The following TENM4 variants were observed in gnomAD, a reference collection of about 807,000 sequenced individuals.
The protein encoded by TENM4 is teneurin-4.
Under a neutral mutation model 243.3 loss-of-function variants are expected in TENM4, and 82 were observed. The ratio of observed to expected loss-of-function variants is 0.34; its 90% CI spans 0.28 to 0.40. The LOEUF (loss-of-function observed/expected upper bound fraction) is 0.40, where lower values mean the gene tolerates loss of function less well. Ranked by LOEUF, TENM4 falls within the 10% of genes least tolerant of loss-of-function variation. The probability of loss-of-function intolerance (pLI) is 1.00; values close to 1 mark genes in which losing one functional copy is unlikely to be tolerated. For missense variants in TENM4, 3,138 were observed against 3,673.3 expected, an observed-to-expected ratio of 0.85 and a Z score of 3.77; for synonymous variants, 1,412 against 1,456.3, an observed-to-expected ratio of 0.97 and a Z score of 0.69.
rs1314577192 is a variant in TENM4, at chr11:78,805,395, G to C, written c.2076C>G (p.Pro692=). The change falls in exon 15 of 34, where the codon CCC becomes CCG. Residue 692 remains proline, a synonymous_variant. Transcript: ENST00000278550. ...VGWGGTNCET[P]RATCLDQCSG... ...AACACTGGTCTAAGCATGTGGCCCT[G>C]GGGGTCTCGCAGTTGGTGCCTCCCC... The C allele has an allele frequency of 6.3e-7, 1 of 1,599,670 alleles. No individual in the cohort carries two copies. The highest frequency in any genetic ancestry group is 8.5e-7 in the Non-Finnish European group (1 of 1,174,480).
intron 3 of TENM4, among the ~76,000 whole-genome samples, chr11:79,163,986 A>G (rs1027895450): frequency 8.1e-6 from 1 of 123,758 alleles, no homozygotes; most frequent in African/African-American, 3.0e-5. Flanking sequence ...GTGTATATAT[A>G]GTGTATATAT....
intron 6 of TENM4, among the ~76,000 whole-genome samples, chr11:79,047,268 A>G (rs1859680407): frequency 6.6e-6 from 1 of 152,186 alleles, no homozygotes. Context: ...TCTGACAGGG[A>G]TGACGAGGTC....
intron 6 of TENM4, among the ~76,000 whole-genome samples, chr11:78,979,230 G>A (rs1857735545): frequency 6.6e-6 from 1 of 152,130 alleles, no homozygotes. Context: ...AATCCTGCCT[G>A]CTTAGTTCTC....
intron 6 of TENM4, among the ~76,000 whole-genome samples, chr11:79,041,173 C>T (rs1282989726): frequency 6.6e-6 from 1 of 151,870 alleles, no homozygotes; most frequent in Non-Finnish European, 1.5e-5. Context: ...AAGTGATTCT[C>T]CTGCCTTAGC....
chr11:78,726,298 C>A (rs1855509250), intron 22 of TENM4, 76 bp from the exon 23 acceptor site: 3 of 1,493,124 alleles, frequency 2.0e-6, no homozygotes, highest in East Asian at 2.4e-5. Context: ...GTAGGCAAGG[C>A]CCCTGGCTTA....
intron 4 of TENM4, among the ~76,000 whole-genome samples, chr11:79,117,339 C>T (rs1861644323): frequency 1.3e-5 from 2 of 152,162 alleles, no homozygotes; most frequent in South Asian, 4.1e-4. Flanking sequence ...GGTTGGCCTA[C>T]ATAGGCAGGA....
intron 25 of TENM4, among the ~76,000 whole-genome samples, chr11:78,719,954 G>A (rs1048747865): frequency 6.6e-6 from 1 of 152,194 alleles, no homozygotes; most frequent in African/African-American, 2.4e-5. Flanking sequence ...CCACAGAAGT[G>A]TAAATGTGAA....
intron 4 of TENM4, among the ~76,000 whole-genome samples, chr11:79,113,930 A>C (rs1156349308): frequency 6.6e-6 from 1 of 152,150 alleles, no homozygotes; most frequent in Non-Finnish European, 1.5e-5. Context: ...CCAGACCTTG[A>C]GACTCTTTCC....
At chr11:79,186,108 C>G (rs1300886406) in intron 3 of TENM4, among the ~76,000 whole-genome samples, 2 of 152,220 alleles carry the variant, frequency 1.3e-5, no homozygotes, top group African/African-American at 4.8e-5. Context: ...AAATCCAGAT[C>G]TCTCTAACTC....
chr11:78,745,752 G>A (rs531832820), intron 19 of TENM4, among the ~76,000 whole-genome samples: 3 of 152,204 alleles, frequency 2.0e-5, no homozygotes, highest in East Asian at 3.9e-4. Context: ...GCCCACCTTC[G>A]GTATCTACCT....
In TENM4 at chr11:79,015,477, AGTGT is replaced by A. The variant is rs113872101; in HGVS notation, c.493+49257_493+49260del. Among the ~76,000 whole-genome samples, 1,133 of 147,242 alleles carry A rather than the reference AGTGT, an allele frequency of 7.7e-3. 11 individuals carry two copies. Among genetic ancestry groups the A allele is most frequent in the African/African-American group, 0.02 (798 of 40,028 alleles). On this transcript the variant is annotated intron_variant, in intron 6 of 33. Transcript: ENST00000278550. ...GATTTCATGAGAAAAAAAGTCATTT[AGTGT>A]GTGTGTGTGTGTGTGTGTGTGTGTG...
intron 1 of TENM4, among the ~76,000 whole-genome samples, chr11:79,435,896 A>T (rs961885897): frequency 6.6e-5 from 10 of 152,206 alleles, no homozygotes. Context: ...CTGCATGAGG[A>T]TGCAACTCTG....
chr11:79,166,797 T>G (rs577674323), intron 3 of TENM4, among the ~76,000 whole-genome samples: 1 of 152,304 alleles, frequency 6.6e-6, no homozygotes, highest in African/African-American at 2.4e-5. Context: ...TTTTGAAGCA[T>G]AGGCATTTGC....
chr11:79,329,392 A>G (rs942108255), intron 1 of TENM4, among the ~76,000 whole-genome samples: 1 of 152,162 alleles, frequency 6.6e-6, no homozygotes, highest in African/African-American at 2.4e-5. Context: ...TTTGCTAGGC[A>G]CCTCCAACAT....
At chr11:78,722,337 C>T (rs1209662177) in intron 24 of TENM4, among the ~76,000 whole-genome samples, 1 of 152,174 alleles carries the variant, frequency 6.6e-6, no homozygotes. Context: ...AAAAAAGGTT[C>T]ATGTGACTCA....
intron 1 of TENM4, among the ~76,000 whole-genome samples, chr11:79,384,937 T>TTAAAAAAAAATAAAATAAAA: frequency 8.7e-6 from 1 of 114,376 alleles, no homozygotes; most frequent in African/African-American, 3.4e-5. Flanking sequence ...AAAAATAAAA[T>TTAAAAAAAAATAAAATAAAA]TAAAATAAAA....
At chr11:78,953,661 T>C (rs1271026816) in intron 6 of TENM4, among the ~76,000 whole-genome samples, 1 of 152,178 alleles carries the variant, frequency 6.6e-6, no homozygotes, top group African/African-American at 2.4e-5. Flanking sequence ...AGCATTCACA[T>C]TGTTAAGTAT....
chr11:78,805,007 G>C (rs1446523031), intron 15 of TENM4, among the ~76,000 whole-genome samples: 3 of 152,114 alleles, frequency 2.0e-5, no homozygotes, highest in Non-Finnish European at 4.4e-5. Flanking sequence ...AACATGAGAT[G>C]AGAGTTCGGT....
chr11:78,816,782 T>C (rs1412319394), intron 12 of TENM4, among the ~76,000 whole-genome samples: 3 of 152,222 alleles, frequency 2.0e-5, no homozygotes, highest in African/African-American at 7.2e-5. Flanking sequence ...GTTACTACAT[T>C]AGATACAAGC....
Sources: allele counts gnomAD v4.1 joint callset (sites outside exome capture counted in the v4.1 genomes callset), GRCh38; gene constraint gnomAD v4.1.1; transcripts MANE v1.5; gene names NCBI Gene and HGNC (gene_info 2026-07-23, HGNC 2026-07-21).